Variants in MSRB3 observed in about 807,000 individuals in gnomAD.
The protein encoded by MSRB3 is methionine-R-sulfoxide reductase B3.
A neutral mutation model predicts 21.0 loss-of-function variants in MSRB3; 13 were observed. That is an observed-to-expected ratio of 0.62 (90% CI 0.40 to 0.98). MSRB3 has a LOEUF of 0.98. Among genes scored for constraint, MSRB3 ranks in the 50% least tolerant of loss-of-function variants. The pLI, the probability that MSRB3 is intolerant of heterozygous loss-of-function variation, is 0.00. For synonymous variants in MSRB3, 87 were observed against 88.6 expected (o/e 0.98, Z 0.10); for missense variants, 199 against 230.3 (o/e 0.86, Z 0.88).
At chr12:65,424,194 T>C (rs555329013) in intron 5 of MSRB3, among the ~76,000 whole-genome samples, 98 of 152,088 alleles carry the variant, frequency 6.4e-4, no homozygotes, top group Non-Finnish European at 1.3e-3. Context: ...TTTTCATTTC[T>C]GATTTTGTTG....
chr12:65,386,754 C>A (rs1879215276), intron 5 of MSRB3, among the ~76,000 whole-genome samples: 1 of 151,774 alleles, frequency 6.6e-6, no homozygotes, highest in Admixed American at 6.6e-5. Context: ...GAAACAGTAT[C>A]ATCTTTGATT....
chr12:65,341,825 T>C (rs967037985), intron 4 of MSRB3, among the ~76,000 whole-genome samples: 2 of 151,956 alleles, frequency 1.3e-5, no homozygotes, highest in Admixed American at 1.3e-4. Flanking sequence ...GTACAAATGG[T>C]TCAATACTGG....
At chr12:65,353,210 G>A (rs1453114430) in intron 4 of MSRB3, among the ~76,000 whole-genome samples, 1 of 152,070 alleles carries the variant, frequency 6.6e-6, no homozygotes, top group East Asian at 1.9e-4. Context: ...TGTTGATTTG[G>A]GGTGGAAAGT....
intron 5 of MSRB3, among the ~76,000 whole-genome samples, chr12:65,417,257 G>A (rs1254250166): frequency 1.3e-5 from 2 of 152,080 alleles, no homozygotes; most frequent in East Asian, 1.9e-4. Flanking sequence ...AATGACATTA[G>A]CAGGTAGGAA....
chr12:65,420,055 C>G, intron 5 of MSRB3: 1 of 523,844 alleles, frequency 1.9e-6, no homozygotes, highest in Non-Finnish European at 3.8e-6. Flanking sequence ...GAAGAGAGGA[C>G]TCAGGCTTTG....
chr12:65,399,255 C>T (rs1263761444), intron 5 of MSRB3, among the ~76,000 whole-genome samples: 1 of 151,938 alleles, frequency 6.6e-6, no homozygotes, highest in East Asian at 1.9e-4. Flanking sequence ...ATGTTTTTCC[C>T]TTTGTTTGTG....
At chr12:65,433,406 TA>T (rs967420631) in intron 5 of MSRB3, among the ~76,000 whole-genome samples, 4 of 151,662 alleles carry the variant, frequency 2.6e-5, no homozygotes, top group Admixed American at 6.6e-5. Flanking sequence ...CTCTTAGAAT[TA>T]AAAAAAAATT....
intron 5 of MSRB3, among the ~76,000 whole-genome samples, chr12:65,430,436 A>G (rs1333431970): frequency 1.3e-5 from 2 of 152,150 alleles, no homozygotes; most frequent in Non-Finnish European, 2.9e-5. Flanking sequence ...GAGGGCTTTC[A>G]TTGCTTGCTG....
intron 3 of MSRB3, 31 bp from the exon 4 acceptor site, chr12:65,328,495 T>C: frequency 6.7e-7 from 1 of 1,486,674 alleles, no homozygotes; most frequent in Non-Finnish European, 9.4e-7. Flanking sequence ...ATGCTAACTT[T>C]AATTTTTTAA....
intron 2 of MSRB3, among the ~76,000 whole-genome samples, chr12:65,316,811 G>A (rs1028914779): frequency 6.6e-6 from 1 of 152,142 alleles, no homozygotes; most frequent in Non-Finnish European, 1.5e-5. Flanking sequence ...GAAGTGAGAA[G>A]CATTGTGCTT....
Position 65,279,142 on chromosome 12 carries a change from C to G in MSRB3, c.-52+277C>G, listed in dbSNP as rs1372507104. On this transcript the variant is annotated intron_variant, in intron 1 of 6. Transcript: ENST00000308259. ...GCCTCACTGACACCTTATCCTGTCC[C>G]GGGAGCGAACCTGAACCCGCGGGAG... The G allele has an allele frequency of 3.4e-5, 42 of 1,235,394 alleles. No individual in the cohort carries two copies. The East Asian group carries it at 1.4e-3, about 41-fold the overall frequency. 76.5% of individuals were successfully genotyped at this position (1,235,394 alleles called of 1,614,324 possible).
At chr12:65,444,121 C>T (rs1015856602) in intron 5 of MSRB3, among the ~76,000 whole-genome samples, 3 of 151,980 alleles carry the variant, frequency 2.0e-5, no homozygotes, top group Non-Finnish European at 2.9e-5. Context: ...AAAAATTACC[C>T]ATATAAATAA....
At chr12:65,343,067 T>C (rs1040583854) in intron 4 of MSRB3, among the ~76,000 whole-genome samples, 3 of 152,138 alleles carry the variant, frequency 2.0e-5, no homozygotes, top group African/African-American at 7.2e-5. Flanking sequence ...TTGCTCAATG[T>C]GTTACAAACA....
At chr12:65,359,810 T>G (rs1877599084) in intron 4 of MSRB3, among the ~76,000 whole-genome samples, 1 of 152,170 alleles carries the variant, frequency 6.6e-6, no homozygotes. Flanking sequence ...ACGTTTTGTT[T>G]GATTTGGCTA....
chr12:65,324,936 T>A (rs955642151), intron 2 of MSRB3, among the ~76,000 whole-genome samples: 1 of 152,236 alleles, frequency 6.6e-6, no homozygotes, highest in African/African-American at 2.4e-5. Flanking sequence ...TGGATAGAAT[T>A]GTTTGATTTT....
At chr12:65,362,859 C>T (rs1877791560) in intron 4 of MSRB3, among the ~76,000 whole-genome samples, 1 of 152,114 alleles carries the variant, frequency 6.6e-6, no homozygotes, top group African/African-American at 2.4e-5. Flanking sequence ...CTGCTGTTCT[C>T]ACTAGTCACT....
chr12:65,465,966 G>A lies in MSRB3; in HGVS notation c.*2644G>A, dbSNP rs947491109. On this transcript the variant is annotated 3_prime_UTR_variant, in exon 7 of 7. Transcript: ENST00000308259. ...AGCACCTCTCGGCTGCTCCAGCTCT[G>A]TAGGATAGCCTCCCCTGGGGTCCGT... The A allele has an allele frequency of 2.0e-5, 3 of 152,150 alleles. No individual in the cohort carries two copies. Among genetic ancestry groups the A allele is most frequent in the Admixed American group, 1.3e-4 (2 of 15,276 alleles). 9.4% of individuals were successfully genotyped at this position (152,150 alleles called of 1,614,324 possible).
At chr12:65,414,859 G>A (rs1003587384) in intron 5 of MSRB3, among the ~76,000 whole-genome samples, 3 of 152,162 alleles carry the variant, frequency 2.0e-5, no homozygotes, top group Non-Finnish European at 1.5e-5. Context: ...GGTGGGGCCT[G>A]GGGGAGTGGT....
intron 5 of MSRB3, among the ~76,000 whole-genome samples, chr12:65,415,999 G>A (rs1433645409): frequency 6.6e-6 from 1 of 152,206 alleles, no homozygotes; most frequent in Non-Finnish European, 1.5e-5. Context: ...ATTTGTGTGT[G>A]TGCTTGGGTA....
Sources: gnomAD v4.1 joint callset for allele counts (sites outside exome capture counted in the v4.1 genomes callset) on GRCh38, gnomAD v4.1.1 for gene constraint, MANE v1.5 for transcripts, NCBI Gene and HGNC (gene_info 2026-07-23, HGNC 2026-07-21) for gene names.